The following KANTR variants were observed in gnomAD, a reference collection of about 807,000 sequenced individuals.
The protein encoded by KANTR is KDM5C adjacent transcript.
At chrX:53,136,731 T>TATATATATATATATATATA (rs1491428007) in intron 2 of KANTR, among the ~76,000 whole-genome samples, 45 of 50,024 alleles carry the variant, frequency 9.0e-4, no homozygotes, top group Non-Finnish European at 1.7e-3. Context: ...TATATATATA[T>TATATATATATATATATATA]TTTGTTTGTT....
chrX:53,143,308 G>T (rs1933529954), downstream of KANTR: 1 of 630,743 alleles, frequency 1.6e-6, no homozygotes, highest in Non-Finnish European at 2.6e-6. Flanking sequence ...ACAATCTCCT[G>T]CTTGGCCGTG....
At chrX:53,107,912 C>T (rs1020091911) in intron 2 of KANTR, among the ~76,000 whole-genome samples, 1 of 108,732 alleles carries the variant, frequency 9.2e-6, no homozygotes, top group Non-Finnish European at 1.9e-5. Flanking sequence ...TTTTCTGAGA[C>T]GGAGTCTCAC....
At chrX:53,099,144 G>A (rs1932868999) in intron 1 of KANTR, among the ~76,000 whole-genome samples, 1 of 111,641 alleles carries the variant, frequency 9.0e-6, no homozygotes, top group South Asian at 3.7e-4. Flanking sequence ...GCCAAGGCGG[G>A]TGAATTGCCT....
At chrX:53,143,420 A>G, downstream of KANTR, 1 of 629,388 alleles carries the variant, frequency 1.6e-6, no homozygotes, top group Non-Finnish European at 2.6e-6. Flanking sequence ...GCCCTCGTAG[A>G]TGGGTACCAT....
At chrX:53,096,690 G>A (rs2146711231) in intron 1 of KANTR, among the ~76,000 whole-genome samples, 1 of 108,482 alleles carries the variant, frequency 9.2e-6, no homozygotes, top group South Asian at 4.0e-4. Flanking sequence ...GCCGGGTGTT[G>A]TGGTGCACGC....
At chrX:53,121,549 C>T (rs1476701592) in intron 2 of KANTR, among the ~76,000 whole-genome samples, 2 of 109,978 alleles carry the variant, frequency 1.8e-5, no homozygotes, top group East Asian at 2.8e-4. Context: ...ATTCAGTTGT[C>T]GTGTCTCCAT....
At chrX:53,103,719 T>A (rs1932914874) in intron 2 of KANTR, among the ~76,000 whole-genome samples, 2 of 111,864 alleles carry the variant, frequency 1.8e-5, no homozygotes, top group African/African-American at 6.5e-5. Context: ...TCAGGCTTCC[T>A]ACTTGACTGA....
intron 2 of KANTR, among the ~76,000 whole-genome samples, chrX:53,100,779 CAA>C (rs1415960934): frequency 8.9e-6 from 1 of 112,190 alleles, no homozygotes; most frequent in African/African-American, 3.2e-5. Context: ...GCCTGGGCAA[CAA>C]GAGCAAAACT....
At position 53,115,424 on chromosome X, in the gene KANTR, C is replaced by A. The variant is rs1182696590; in HGVS notation, c.-804-8045C>A. Reference sequence around the variant, plus strand: ...CCCCATGCTGGGGATGGTCTGGGACCCACGGCCACCTGGGCTGGCCTGGCC... The same window carrying A: ...CCCCATGCTGGGGATGGTCTGGGACACACGGCCACCTGGGCTGGCCTGGCC... On this transcript the variant is annotated intron_variant, in intron 2 of 2. Transcript: ENST00000604062. Among the ~76,000 whole-genome samples the A allele has an allele frequency of 2.7e-5, 3 of 112,091 alleles. No homozygotes were observed. The Admixed American group carries it at 2.8e-4, about 10-fold the overall frequency.
At chrX:53,116,734 T>G (rs1556814630) in intron 2 of KANTR, among the ~76,000 whole-genome samples, 1 of 111,956 alleles carries the variant, frequency 8.9e-6, no homozygotes. Flanking sequence ...ATGGTTGATT[T>G]GAGTTGGTTT....
intron 2 of KANTR, among the ~76,000 whole-genome samples, chrX:53,138,730 C>G (rs1933459959): frequency 9.3e-6 from 1 of 107,135 alleles, no homozygotes; most frequent in Non-Finnish European, 1.9e-5. Flanking sequence ...GAAATATAAA[C>G]AATGTGTCAT....
intron 2 of KANTR, among the ~76,000 whole-genome samples, chrX:53,133,272 T>TGGGAGGATTGCTTGAGCCC (rs1433175831): frequency 9.4e-6 from 1 of 106,050 alleles, no homozygotes; most frequent in Non-Finnish European, 1.9e-5. Flanking sequence ...GAGGCTGAGG[T>TGGGAGGATTGCTTGAGCCC]GGGAGGATTG....
At chrX:53,147,628 C>T (rs1556819571), downstream of KANTR, among the ~76,000 whole-genome samples, 1 of 111,677 alleles carries the variant, frequency 9.0e-6, no homozygotes, top group Non-Finnish European at 1.9e-5. Flanking sequence ...TAATAGACAT[C>T]TACAGAACTC....
chrX:53,120,233 G>A (rs782383771), intron 2 of KANTR, among the ~76,000 whole-genome samples: 2 of 109,415 alleles, frequency 1.8e-5, no homozygotes, highest in African/African-American at 6.7e-5. Context: ...ACAGGGTTTC[G>A]CCATGTTCCC....
At chrX:53,119,433 A>G (rs1338149231) in intron 2 of KANTR, among the ~76,000 whole-genome samples, 3 of 111,615 alleles carry the variant, frequency 2.7e-5, no homozygotes, top group Non-Finnish European at 5.6e-5. Flanking sequence ...TCCAAATGGA[A>G]TTGGTTTTTG....
chrX:53,128,060 C>G (rs782361728), downstream of KANTR, among the ~76,000 whole-genome samples: 2 of 111,471 alleles, frequency 1.8e-5, no homozygotes, highest in Admixed American at 1.9e-4. Context: ...TGACTTTGCC[C>G]CTAACCCTAC....
At chrX:53,128,144 C>A (rs2146749461), downstream of KANTR, among the ~76,000 whole-genome samples, 1 of 111,605 alleles carries the variant, frequency 9.0e-6, no homozygotes, top group Non-Finnish European at 1.9e-5. Context: ...TAATGTGTGA[C>A]CTACTCTCCT....
chrX:53,118,070 G>T (rs1183440290), intron 2 of KANTR, among the ~76,000 whole-genome samples: 1 of 112,119 alleles, frequency 8.9e-6, no homozygotes, highest in African/African-American at 3.2e-5. Context: ...GGACATTTGG[G>T]TCATTTCCAG....
chrX:53,100,789 A>G (rs781995818), intron 2 of KANTR, among the ~76,000 whole-genome samples: 1 of 111,875 alleles, frequency 8.9e-6, no homozygotes, highest in East Asian at 2.8e-4. Context: ...CAAGAGCAAA[A>G]CTCCATCTCA....
Sources: gnomAD v4.1 joint callset for allele counts (sites outside exome capture counted in the v4.1 genomes callset) on GRCh38, gnomAD v4.1.1 for gene constraint, MANE v1.5 for transcripts, NCBI Gene and HGNC (gene_info 2026-07-23, HGNC 2026-07-21) for gene names.